The following LCLAT1 variants were observed in gnomAD, a reference collection of about 807,000 sequenced individuals.
LCLAT1 encodes the protein 1-AGP acyltransferase 8.
LCLAT1 carries 11 observed loss-of-function variants against 30.7 expected under a neutral mutation model. The ratio of observed to expected loss-of-function variants is 0.36; its 90% CI spans 0.23 to 0.59. The LOEUF (loss-of-function observed/expected upper bound fraction) is 0.59, where lower values mean the gene tolerates loss of function less well. Among genes scored for constraint, LCLAT1 ranks in the 20% least tolerant of loss-of-function variants. The pLI, the probability that LCLAT1 is intolerant of heterozygous loss-of-function variation, is 0.77. For synonymous variants in LCLAT1, 155 were observed against 151.3 expected (o/e 1.02, Z -0.18); for missense variants, 402 against 458.6 (o/e 0.88, Z 1.13).
At chr2:30,535,759 A>G (rs910196684) in intron 3 of LCLAT1, among the ~76,000 whole-genome samples, 1 of 152,186 alleles carries the variant, frequency 6.6e-6, no homozygotes, top group African/African-American at 2.4e-5. Flanking sequence ...GTGAAAAGGC[A>G]GGGAAACCTG....
At chr2:30,553,783 CCGCAG>C (rs1664790021) in intron 3 of LCLAT1, among the ~76,000 whole-genome samples, 3 of 152,024 alleles carry the variant, frequency 2.0e-5, no homozygotes, top group Admixed American at 6.6e-5. Context: ...CCACTGCAGT[CCGCAG>C]TCCGGCCTGG....
intron 1 of LCLAT1, among the ~76,000 whole-genome samples, chr2:30,466,697 AT>A (rs1197052346): frequency 2.7e-5 from 4 of 149,250 alleles, no homozygotes; most frequent in African/African-American, 9.7e-5. Context: ...AGATATTCCA[AT>A]TCTACTTAAC....
intron 3 of LCLAT1, among the ~76,000 whole-genome samples, chr2:30,551,333 T>C (rs976547429): frequency 1.1e-4 from 16 of 152,242 alleles, no homozygotes; most frequent in African/African-American, 3.4e-4. Flanking sequence ...TTGGCTCTTA[T>C]GTCCTTTTGA....
chr2:30,611,992 G>A (rs1301781335), intron 5 of LCLAT1, among the ~76,000 whole-genome samples: 1 of 152,030 alleles, frequency 6.6e-6, no homozygotes, highest in East Asian at 1.9e-4. Context: ...CATGTGTCCT[G>A]TGGATAGAAA....
chr2:30,622,001 A>C (rs763842749), intron 5 of LCLAT1, among the ~76,000 whole-genome samples: 1 of 152,196 alleles, frequency 6.6e-6, no homozygotes, highest in African/African-American at 2.4e-5. Context: ...TTGCTTTCTC[A>C]GTGAGGGGGG....
chr2:30,562,437 G>C (rs904015022), intron 4 of LCLAT1, 145 bp downstream of exon 4: 3 of 573,178 alleles, frequency 5.2e-6, no homozygotes, highest in African/African-American at 3.8e-5. Context: ...TCAGGAGGCT[G>C]AGACTGGAAG....
At chr2:30,622,351 A>C (rs1317604796) in intron 5 of LCLAT1, among the ~76,000 whole-genome samples, 2 of 152,022 alleles carry the variant, frequency 1.3e-5, no homozygotes, top group African/African-American at 4.8e-5. Context: ...AAAGGACATA[A>C]ATTTCTTGAG....
At chr2:30,604,885 T>TAA (rs1667360189) in intron 5 of LCLAT1, among the ~76,000 whole-genome samples, 1 of 152,142 alleles carries the variant, frequency 6.6e-6, no homozygotes, top group Admixed American at 6.5e-5. Context: ...CCTTGGGTAA[T>TAA]AAGAGCATTT....
At chr2:30,580,285 G>A (rs1666158646) in intron 5 of LCLAT1, among the ~76,000 whole-genome samples, 1 of 152,152 alleles carries the variant, frequency 6.6e-6, no homozygotes, top group South Asian at 2.1e-4. Flanking sequence ...TTCCAGCATA[G>A]TTGGCCTATT....
intron 1 of LCLAT1, among the ~76,000 whole-genome samples, chr2:30,496,599 G>A (rs1026932367): frequency 1.3e-5 from 2 of 152,166 alleles, no homozygotes; most frequent in Non-Finnish European, 1.5e-5. Context: ...TGCCAGAAAG[G>A]TCAAATGAGA....
intron 5 of LCLAT1, among the ~76,000 whole-genome samples, chr2:30,620,295 T>C (rs550976101): frequency 6.6e-6 from 1 of 152,266 alleles, no homozygotes; most frequent in African/African-American, 2.4e-5. Flanking sequence ...TAAAATACAG[T>C]TTGCCTCATC....
At chr2:30,556,690 A>C (rs1260082321) in intron 3 of LCLAT1, among the ~76,000 whole-genome samples, 19 of 152,116 alleles carry the variant, frequency 1.2e-4, no homozygotes, top group Non-Finnish European at 1.2e-4. Context: ...CAGTCAGCAA[A>C]CTGTTAATAT....
Position 30,525,882 on chromosome 2 carries a change from A to G in LCLAT1, c.165+127A>G, listed in dbSNP as rs962480866. On this transcript the variant is annotated intron_variant, in intron 2 of 5. Transcript: ENST00000379509. ...ACATATCCTAGGCACATCCTTCTGT[A>G]TGCTTTAAATAATCTCTAGATTGCT... 9 of 712,102 alleles carry G rather than the reference A, an allele frequency of 1.3e-5. No individual in the cohort carries two copies. The Admixed American group carries it at 2.3e-4, about 18-fold the overall frequency. 44.1% of individuals were successfully genotyped at this position (712,102 alleles called of 1,614,324 possible).
At chr2:30,625,749 T>A (rs962674903) in intron 5 of LCLAT1, among the ~76,000 whole-genome samples, 1 of 152,210 alleles carries the variant, frequency 6.6e-6, no homozygotes, top group African/African-American at 2.4e-5. Context: ...CAAAACCAGG[T>A]CAGTCTGACT....
At chr2:30,473,222 T>C (rs879731843) in intron 1 of LCLAT1, among the ~76,000 whole-genome samples, 1 of 152,194 alleles carries the variant, frequency 6.6e-6, no homozygotes, top group African/African-American at 2.4e-5. Context: ...ATAACTACCA[T>C]ATGACAGTTG....
At chr2:30,609,791 A>G (rs1667645080) in intron 5 of LCLAT1, among the ~76,000 whole-genome samples, 1 of 152,120 alleles carries the variant, frequency 6.6e-6, no homozygotes, top group Non-Finnish European at 1.5e-5. Context: ...TTCCTGTGTT[A>G]TTACTTAACT....
chr2:30,569,060 C>T (rs1665651880), intron 5 of LCLAT1, among the ~76,000 whole-genome samples: 3 of 152,150 alleles, frequency 2.0e-5, no homozygotes, highest in Admixed American at 2.0e-4. Context: ...GCAAGTGCCA[C>T]TACCTCTACT....
At chr2:30,545,596 TTAAC>T (rs1235043325) in intron 3 of LCLAT1, among the ~76,000 whole-genome samples, 1 of 152,170 alleles carries the variant, frequency 6.6e-6, no homozygotes, top group Non-Finnish European at 1.5e-5. Context: ...TTTTGTTAAA[TTAAC>T]TAAACTGTTT....
chr2:30,502,570 GTC>G (rs1253001984), intron 1 of LCLAT1, among the ~76,000 whole-genome samples: 1 of 152,198 alleles, frequency 6.6e-6, no homozygotes, highest in East Asian at 1.9e-4. Flanking sequence ...TCTGCTCTCT[GTC>G]TCTGTAGCTT....
Sources: allele counts gnomAD v4.1 joint callset (sites outside exome capture counted in the v4.1 genomes callset), GRCh38; gene constraint gnomAD v4.1.1; transcripts MANE v1.5; gene names NCBI Gene and HGNC (gene_info 2026-07-23, HGNC 2026-07-21).